Variants in ALDH16A1 observed in about 807,000 individuals in gnomAD.
ALDH16A1 encodes the protein aldehyde dehydrogenase family 16 member A1.
In ALDH16A1, 88 loss-of-function variants were observed where a neutral mutation model predicts 96.1. The observed-to-expected ratio is 0.92, with a 90% CI of 0.77 to 1.09. ALDH16A1 has a LOEUF of 1.09. ALDH16A1 is among the 50% of genes least tolerant of loss of function. The probability of loss-of-function intolerance (pLI) is 0.00; values close to 1 mark genes in which losing one functional copy is unlikely to be tolerated. For synonymous variants in ALDH16A1, 522 were observed against 496.4 expected (o/e 1.05, Z -0.69); for missense variants, 1,250 against 1,112.6 (o/e 1.12, Z -1.76).
chr19:49,462,571 G>T lies in ALDH16A1; in HGVS notation c.914G>T (p.Gly305Val), dbSNP rs775319427. ...VDAAWSDRGPGGLRLLIQESV... is the reference protein window; with the variant it reads ...VDAAWSDRGPVGLRLLIQESV... ...TCCTGATGCCCCTTTTCCTCACAGG[G>T]TGGCCTCAGGCTCCTCATCCAGGAG... The change falls in exon 8 of 17, where the codon GGT becomes GTT. Residue 305 changes from glycine to valine, a missense_variant and splice_region_variant. Physicochemically the swap from Gly to Val is moderately radical, Grantham distance 109 (BLOSUM62 -3). Transcript: ENST00000293350. 6.2e-7 allele frequency: 1 copy of T among 1,612,422 alleles called. No homozygotes were observed. Among genetic ancestry groups the T allele is most frequent in the Non-Finnish European group, 8.5e-7 (1 of 1,179,722 alleles).
rs771941178 is a variant in ALDH16A1 at position 49,470,287 on chromosome 19, C to G, written c.2248-19C>G. 1 of 1,612,442 alleles carries G rather than the reference C, an allele frequency of 6.2e-7. No homozygotes were observed. Among genetic ancestry groups the G allele is most frequent in the Non-Finnish European group, 8.5e-7 (1 of 1,179,302 alleles). On this transcript the variant is annotated intron_variant, in intron 16 of 16. Coordinates refer to ENST00000293350, the MANE Select transcript of ALDH16A1 (RefSeq NM_153329.4). ...ACAAGCCTGCAGAAGTGCTTACCCCCGTCTCTTCCTCCCCTCAGGGTTCCC... is the reference window on the plus strand; with the variant it reads ...ACAAGCCTGCAGAAGTGCTTACCCCGGTCTCTTCCTCCCCTCAGGGTTCCC...
chr19:49,464,520 G>A lies in ALDH16A1; in HGVS notation c.1435G>A (p.Asp479Asn), dbSNP rs781260919. Residue 479 changes from aspartate to asparagine, a missense_variant and splice_region_variant, in exon 11 of 17, where the codon GAC (aspartate) becomes AAC (asparagine). Physicochemically the swap from Asp to Asn is conservative, Grantham distance 23 (BLOSUM62 1). Transcript: ENST00000293350. ...TGGGTGTTCCTGGCACGGGGGCCCA[G>A]ACGTGAGTACATCCCCTCCCCGTCA... The part of the protein sequence containing the change: ...ESGCSWHGGP[D>N]GLYEYLRPSG... 1.9e-6 allele frequency: 3 copies of A among 1,613,832 alleles called. No individual in the cohort carries two copies. The highest frequency in any genetic ancestry group is 2.2e-5 in the South Asian group (2 of 91,082).
Position 49,459,622 on chromosome 19 carries a change from A to G in ALDH16A1, c.321-48A>G, listed in dbSNP as rs1161909920. On this transcript the variant is annotated intron_variant, in intron 3 of 16. Coordinates refer to ENST00000293350, the MANE Select transcript of ALDH16A1 (RefSeq NM_153329.4). This position sits in a 1 kb window ranked among gnomAD's most constrained non-coding sequence, Gnocchi z 4.1. Reference sequence around the variant, plus strand: ...ATATAGGAGCAGCCCAGGACTCTGCAAGGCTGAGGGCCGTTGGAAAATGAG... The same window carrying G: ...ATATAGGAGCAGCCCAGGACTCTGCGAGGCTGAGGGCCGTTGGAAAATGAG... The G allele has an allele frequency of 3.8e-6, 6 of 1,558,452 alleles. No homozygotes were observed. The African/African-American group carries it at 4.1e-5, about 11-fold the overall frequency.
chr19:49,470,776 G>GA lies in ALDH16A1; in HGVS notation c.*309_*310insA. On this transcript the variant is annotated 3_prime_UTR_variant, in exon 17 of 17. Coordinates refer to ENST00000293350, the MANE Select transcript of ALDH16A1 (RefSeq NM_153329.4). ...GGATCCTCATGCCTCAGCCTCATAT[G>GA]TAGCTGGGGCCACAGACATGCACCA... The GA allele has an allele frequency of 4.1e-6, 1 of 244,572 alleles. No individual in the cohort carries two copies. Among genetic ancestry groups the GA allele is most frequent in the South Asian group, 1.1e-4 (1 of 9,168 alleles). The allele number at this position is 244,572 out of a possible 1,614,324, so 15.2% of individuals were successfully genotyped here. A position where few individuals can be genotyped will look rare whatever the true frequency, so the allele number is the denominator to read the frequency against.
In ALDH16A1 at chr19:49,461,982, C is replaced by T. The variant is rs2079153396; in HGVS notation, c.858C>T (p.Asp286=). ...ESLLLLTDTA[D]VDSAVEGVVD... is the part of the protein sequence containing the mutation. ...TGCTGCTGCTGACGGACACGGCGGA[C>T]GTAGACTCGGCCGTGGAGGGTGTCG... Residue 286 remains aspartate (D), a synonymous_variant, in exon 7 of 17, where the codon GAC becomes GAT. Coordinates refer to ENST00000293350, the MANE Select transcript of ALDH16A1 (RefSeq NM_153329.4). 7.1e-6 allele frequency: 11 copies of T among 1,552,452 alleles called. No homozygotes were observed. Among genetic ancestry groups the T allele is most frequent in the East Asian group, 2.4e-5 (1 of 41,492 alleles).
Position 49,465,919 on chromosome 19 carries a change from C to G in ALDH16A1, c.1736+14C>G, listed in dbSNP as rs777970531. On this transcript the variant is annotated intron_variant, in intron 13 of 16. Transcript: ENST00000293350. ...GGCTTTCCCTGGGTAAGGGGTCACA[C>G]GGGAAAGCCCAAGGGTCATGGTGTG... 5 of 1,611,454 alleles carry G rather than the reference C, an allele frequency of 3.1e-6. No homozygotes were observed. Among genetic ancestry groups the G allele is most frequent in the Non-Finnish European group, 4.2e-6 (5 of 1,178,744 alleles).
At chr19:49,466,323 G>A (rs1455992940) in intron 14 of ALDH16A1, 40 bp downstream of exon 14, 1 of 1,424,508 alleles carries the variant, frequency 7.0e-7, no homozygotes, top group Admixed American at 3.0e-5. Flanking sequence ...TGGGCAGGCG[G>A]GGTGGGGCTC....
chr19:49,455,689 A>G (rs2079101389), intron 1 of ALDH16A1, among the ~76,000 whole-genome samples: 1 of 151,956 alleles, frequency 6.6e-6, no homozygotes, highest in African/African-American at 2.4e-5. Context: ...CGCACCTAGG[A>G]GTTTGAGACC....
At chr19:49,456,843 C>T (rs940396249) in intron 1 of ALDH16A1, among the ~76,000 whole-genome samples, 1 of 152,216 alleles carries the variant, frequency 6.6e-6, no homozygotes, top group Non-Finnish European at 1.5e-5. Context: ...CACAGTGGCT[C>T]ATGCTTGTAA....
chr19:49,464,130 CCGTGGCCTGTGGT>C lies in ALDH16A1; in HGVS notation c.1207_1219del (p.Val403ProfsTer95), dbSNP rs2079177019. The C allele has an allele frequency of 1.9e-6, 3 of 1,607,536 alleles. No individual in the cohort carries two copies. The highest frequency in any genetic ancestry group is 2.5e-6 in the Non-Finnish European group (3 of 1,178,784). On this transcript the variant is annotated frameshift_variant, in exon 10 of 17. Coordinates refer to ENST00000293350, the MANE Select transcript of ALDH16A1 (RefSeq NM_153329.4). LOFTEE classifies it high-confidence loss of function. ...GCCTCCCGGTCACCCCTTGCAGGTG[CCGTGGCCTGTGGT>C]CGTGGCCTCCCCCTTCCGCACAGCC... is the stretch of plus-strand genomic sequence containing the variant.
chr19:49,462,349 G>C (rs1303609416), intron 7 of ALDH16A1, among the ~76,000 whole-genome samples: 1 of 152,102 alleles, frequency 6.6e-6, no homozygotes, highest in Non-Finnish European at 1.5e-5. Flanking sequence ...TGGCCAGGCT[G>C]GTCTCGAACT....
At chr19:49,453,622 G>T (rs1484514333) in intron 1 of ALDH16A1, 2 of 537,056 alleles carry the variant, frequency 3.7e-6, no homozygotes, top group African/African-American at 3.8e-5. Flanking sequence ...AGTCTGTTCC[G>T]GTCTTCCCCA....
Position 49,462,596 on chromosome 19 carries a change from G to A in ALDH16A1, c.939G>A (p.Glu313=). The A allele has an allele frequency of 1.2e-6, 2 of 1,613,154 alleles. No individual in the cohort carries two copies. The highest frequency in any genetic ancestry group is 1.1e-5 in the South Asian group (1 of 91,034). Residue 313 remains glutamate (E), a synonymous_variant, in exon 8 of 17, where the codon GAG becomes GAA. Coordinates refer to ENST00000293350, the MANE Select transcript of ALDH16A1 (RefSeq NM_153329.4). ...GTGGCCTCAGGCTCCTCATCCAGGA[G>A]TCTGTGTGGGATGAAGCCATGAGAC... ...GPGGLRLLIQ[E]SVWDEAMRRL...
Position 49,453,438 on chromosome 19 carries a change from C to T in ALDH16A1, c.90+17C>T. ...TGCGCACTGGTGAGAGTCTGCCCGG[C>T]CGGCGCTGCTCGCTGCGTTCCCCAG... On this transcript the variant is annotated intron_variant, in intron 1 of 16. Transcript: ENST00000293350. 4 of 1,515,604 alleles carry T rather than the reference C, an allele frequency of 2.6e-6. No homozygotes were observed. The highest frequency in any genetic ancestry group is 2.4e-5 in the South Asian group (2 of 82,960). The allele number at this position is 1,515,604 out of a possible 1,614,324, so 93.9% of individuals were successfully genotyped here.
intron 1 of ALDH16A1, among the ~76,000 whole-genome samples, chr19:49,458,161 G>A (rs1045037760): frequency 5.3e-5 from 8 of 151,910 alleles, no homozygotes; most frequent in Non-Finnish European, 1.0e-4. Context: ...GGAGCTTGCA[G>A]TGAGCTGAGA....
In ALDH16A1 at chr19:49,453,355, C is replaced by A. The variant is rs996812460; in HGVS notation, c.24C>A (p.Pro8=). The stretch of plus-strand genomic sequence containing the variant: ...CGATGGCTGCGACGCGTGCAGGGCC[C>A]CGCGCCCGCGAGATCTTCACCTCGC... The part of the protein sequence containing the change: MAATRAG[P]RAREIFTSLE... Residue 8 remains proline, a synonymous_variant, in exon 1 of 17, where the codon CCC becomes CCA. Coordinates refer to ENST00000293350, the MANE Select transcript of ALDH16A1 (RefSeq NM_153329.4). The A allele has an allele frequency of 7.1e-6, 11 of 1,547,792 alleles. No individual in the cohort carries two copies. In the African/African-American group the frequency reaches 1.6e-4, roughly 22 times the overall value.
At chr19:49,465,443 A>G (rs1196660861) in intron 12 of ALDH16A1, among the ~76,000 whole-genome samples, 2 of 148,820 alleles carry the variant, frequency 1.3e-5, no homozygotes, top group Non-Finnish European at 3.0e-5. Context: ...CCAGAGGCTC[A>G]TGGGAGCAGA....
At position 49,461,777 on chromosome 19, in the gene ALDH16A1, G is replaced by GTGGCC; in HGVS notation, c.738_742dup (p.Phe248TrpfsTer36). 1 of 1,611,478 alleles carries GTGGCC rather than the reference G, an allele frequency of 6.2e-7. No homozygotes were observed. The highest frequency in any genetic ancestry group is 8.5e-7 in the Non-Finnish European group (1 of 1,178,966). Reference sequence around the variant, plus strand: ...GGCCTCCCAGCCTGGAATCCGGAAGGTGGCCTTCTGCGGAGCCCCGGAGGT... The same window carrying GTGGCC: ...GGCCTCCCAGCCTGGAATCCGGAAGGTGGCCTGGCCTTCTGCGGAGCCCCGGAGGT... On this transcript the variant is annotated frameshift_variant, in exon 6 of 17. Coordinates refer to ENST00000293350, the MANE Select transcript of ALDH16A1 (RefSeq NM_153329.4). LOFTEE classifies it high-confidence loss of function.
chr19:49,458,291 GC>G (rs1412067934), intron 1 of ALDH16A1, among the ~76,000 whole-genome samples, 194 bp from the exon 2 acceptor site: 1 of 152,074 alleles, frequency 6.6e-6, no homozygotes, highest in Non-Finnish European at 1.5e-5. Context: ...TGCACAGAAT[GC>G]CACTAAACTG....
Sources: gnomAD v4.1 joint callset for allele counts (sites outside exome capture counted in the v4.1 genomes callset) on GRCh38, gnomAD v4.1.1 for gene constraint, Gnocchi (gnomAD v3.1) non-coding constraint, MANE v1.5 for transcripts, NCBI Gene and HGNC (gene_info 2026-07-23, HGNC 2026-07-21) for gene names.